The following TMEM201 variants were observed in gnomAD, a reference collection of about 807,000 sequenced individuals.
TMEM201 encodes transmembrane protein 201.
In TMEM201, 26 loss-of-function variants were observed where a neutral mutation model predicts 63.4. The observed-to-expected ratio is 0.41, with a 90% CI of 0.30 to 0.57. The LOEUF (loss-of-function observed/expected upper bound fraction) is 0.57, where lower values mean the gene tolerates loss of function less well. Ranked by LOEUF, TMEM201 falls within the 20% of genes least tolerant of loss-of-function variation. TMEM201 has a pLI of 0.29. For missense variants in TMEM201, 794 were observed against 917.7 expected, an observed-to-expected ratio of 0.87 and a Z score of 1.74; for synonymous variants, 417 against 421.6, an observed-to-expected ratio of 0.99 and a Z score of 0.14.
In TMEM201 at chr1:9,603,196, T is replaced by C; in HGVS notation, c.1160+924T>C. 1 of 985,482 alleles carries C rather than the reference T, an allele frequency of 1.0e-6. No homozygotes were observed. The highest frequency in any genetic ancestry group is 4.7e-5 in the South Asian group (1 of 21,292). The allele number at this position is 985,482 out of a possible 1,614,324, so 61.0% of individuals were successfully genotyped here. A position where few individuals can be genotyped will look rare whatever the true frequency, so the allele number is the denominator to read the frequency against. ...GCGCCACTCTGTCCTCCGACTCAGGTGAGGGGGCAGCCCACAGACCTGCTC... is the reference window on the plus strand; with the variant it reads ...GCGCCACTCTGTCCTCCGACTCAGGCGAGGGGGCAGCCCACAGACCTGCTC... On this transcript the variant is annotated intron_variant, in intron 6 of 10. Coordinates refer to ENST00000340381, the MANE Select transcript of TMEM201 (RefSeq NM_001130924.3). The surrounding 1 kb of genome is among the most constrained non-coding windows in gnomAD (Gnocchi z 4.5).
Position 9,604,140 on chromosome 1 carries a change from G to C in TMEM201, c.1160+1868G>C, listed in dbSNP as rs1042812181. 4.1e-6 allele frequency: 4 copies of C among 985,310 alleles called. No individual in the cohort carries two copies. Among genetic ancestry groups the C allele is most frequent in the Non-Finnish European group, 3.6e-6 (3 of 829,944 alleles). 61.0% of individuals were successfully genotyped at this position (985,310 alleles called of 1,614,324 possible). On this transcript the variant is annotated intron_variant, in intron 6 of 10. Transcript: ENST00000340381. The surrounding 1 kb of genome is among the most constrained non-coding windows in gnomAD (Gnocchi z 4.1). ...CTGGCCATGCTGTTGCTTGCGTCTCGAATCTTCGGTTCTCGAGGAAGTGTT... is the reference window on the plus strand; with the variant it reads ...CTGGCCATGCTGTTGCTTGCGTCTCCAATCTTCGGTTCTCGAGGAAGTGTT...
rs1024847005 is a variant in TMEM201, at chr1:9,607,935, C to T, written c.1393+146C>T. On this transcript the variant is annotated intron_variant, in intron 7 of 10. Transcript: ENST00000340381. The surrounding 1 kb of genome is among the most constrained non-coding windows in gnomAD (Gnocchi z 5.4). ...CAGCACAGAGCTTTGAGCCTCAGTTCCCCCCAAAGAAATGGGGCTAGCTAG... is the reference window on the plus strand; with the variant it reads ...CAGCACAGAGCTTTGAGCCTCAGTTTCCCCCAAAGAAATGGGGCTAGCTAG... 1.4e-5 allele frequency: 11 copies of T among 807,206 alleles called. No individual in the cohort carries two copies. The highest frequency in any genetic ancestry group is 2.1e-5 in the Non-Finnish European group (11 of 526,914). 50.0% of individuals were successfully genotyped at this position (807,206 alleles called of 1,614,324 possible).
chr1:9,598,330 T>G, intron 3 of TMEM201, 119 bp from the exon 4 acceptor site: 1 of 1,244,112 alleles, frequency 8.0e-7, no homozygotes, highest in Non-Finnish European at 1.1e-6. Flanking sequence ...TGGGGTTGAC[T>G]TGCCCCCGGT....
At position 9,608,540 on chromosome 1, in the gene TMEM201, C is replaced by T. The variant is rs181142405; in HGVS notation, c.1393+751C>T. On this transcript the variant is annotated intron_variant, in intron 7 of 10. Coordinates refer to ENST00000340381, the MANE Select transcript of TMEM201 (RefSeq NM_001130924.3). This position sits in a 1 kb window ranked among gnomAD's most constrained non-coding sequence, Gnocchi z 4.3. ...TTTGCTTTTCCCCTAAGCAGAGATA[C>T]CCCCCTATTTTCAGGGCACCCCAGC... Among the ~76,000 whole-genome samples the T allele has an allele frequency of 1.2e-4, 19 of 152,306 alleles. No homozygotes were observed. The East Asian group carries it at 3.5e-3, about 28-fold the overall frequency.
chr1:9,602,344 G>T (rs1457972631), intron 6 of TMEM201, 72 bp downstream of exon 6: 6 of 1,567,672 alleles, frequency 3.8e-6, no homozygotes, highest in East Asian at 4.7e-5. Flanking sequence ...CAGGTCCGAA[G>T]CGGGCCCCTC....
At chr1:9,609,801 C>T (rs1195326243) in intron 7 of TMEM201, 39 bp from the exon 8 acceptor site, 1 of 1,547,688 alleles carries the variant, frequency 6.5e-7, no homozygotes, top group South Asian at 1.2e-5. Flanking sequence ...GCACGTCATC[C>T]ACAGGCCTGA....
At chr1:9,599,325 GC>G (rs1449697454) in intron 4 of TMEM201, among the ~76,000 whole-genome samples, 9 of 151,378 alleles carry the variant, frequency 5.9e-5, no homozygotes, top group South Asian at 2.1e-4. Flanking sequence ...TCGGCTCACT[GC>G]AATCTCTTCC....
rs1203857915 is a variant in TMEM201, at chr1:9,613,622, A to T, written c.*539A>T. On this transcript the variant is annotated 3_prime_UTR_variant, in exon 11 of 11. Coordinates refer to ENST00000340381, the MANE Select transcript of TMEM201 (RefSeq NM_001130924.3). ...TTGCCCCTTCCTGTGGAGTGGGCAG[A>T]AGGGCTCCCGGGATCCTCAGAGCTC... 1 of 153,240 alleles carries T rather than the reference A, an allele frequency of 6.5e-6. No homozygotes were observed. Among genetic ancestry groups the T allele is most frequent in the Non-Finnish European group, 1.5e-5 (1 of 68,796 alleles). The allele number at this position is 153,240 out of a possible 1,614,324, so 9.5% of individuals were successfully genotyped here. A position where few individuals can be genotyped will look rare whatever the true frequency, so the allele number is the denominator to read the frequency against.
Position 9,610,962 on chromosome 1 carries a change from AACCCTCTGGGACATTG to A in TMEM201, c.1765+161_1765+176del, listed in dbSNP as rs748362534. The A allele has an allele frequency of 3.3e-6, 5 of 1,517,810 alleles. No homozygotes were observed. The highest frequency in any genetic ancestry group is 3.5e-6 in the Non-Finnish European group (4 of 1,135,586). The allele number at this position is 1,517,810 out of a possible 1,614,324, so 94.0% of individuals were successfully genotyped here. A position where few individuals can be genotyped will look rare whatever the true frequency, so the allele number is the denominator to read the frequency against. ...ACCCCATTCCGGCTCTGGTGACTTG[AACCCTCTGGGACATTG>A]ACCTCTAATGGCTGATTTCAGTTTC... is the stretch of plus-strand genomic sequence containing the variant. On this transcript the variant is annotated intron_variant, in intron 9 of 10. Transcript: ENST00000340381. The surrounding 1 kb of genome is among the most constrained non-coding windows in gnomAD (Gnocchi z 4.9).
At chr1:9,602,295 C>A in intron 6 of TMEM201, 23 bp downstream of exon 6, 2 of 1,608,762 alleles carry the variant, frequency 1.2e-6, no homozygotes, top group Non-Finnish European at 8.5e-7. Flanking sequence ...GCCATGACTG[C>A]GGGGGGAGGA....
chr1:9,606,026 C>T (rs549571656), intron 6 of TMEM201, among the ~76,000 whole-genome samples: 18 of 152,366 alleles, frequency 1.2e-4, no homozygotes, highest in African/African-American at 3.8e-4. Context: ...GCCCCACAAA[C>T]TCCCTCCCAT....
chr1:9,600,389 G>C lies in TMEM201; in HGVS notation c.607-716G>C, dbSNP rs138468065. ...AGTGTGGTTTCCACAGCTGTAAATGGGTCCAGGGCTTAGGAGTGCACCACC... is the reference window on the plus strand; with the variant it reads ...AGTGTGGTTTCCACAGCTGTAAATGCGTCCAGGGCTTAGGAGTGCACCACC... On this transcript the variant is annotated intron_variant, in intron 4 of 10. Transcript: ENST00000340381. 6.6e-5 allele frequency among the ~76,000 whole-genome samples: 10 copies of C among 152,238 alleles called. No homozygotes were observed. In the East Asian group the frequency reaches 1.9e-3, roughly 29 times the overall value.
At chr1:9,602,798 C>T (rs1644170507) in intron 6 of TMEM201, 1 of 989,638 alleles carries the variant, frequency 1.0e-6, no homozygotes, top group Admixed American at 5.7e-5. Context: ...CCAGCCTCAC[C>T]CCTGAGGAGC....
At chr1:9,599,011 G>A (rs1430703712) in intron 4 of TMEM201, among the ~76,000 whole-genome samples, 8 of 151,102 alleles carry the variant, frequency 5.3e-5, no homozygotes, top group African/African-American at 1.5e-4. Flanking sequence ...GCACGATCTC[G>A]GCTCACTATA....
rs1644102432 is a variant in TMEM201, at chr1:9,599,842, C to T, written c.606+1217C>T. ...CTCAATCTCCTGAGCTCGTGATCCG[C>T]CCGCCTCAGCCTCCCAAAGTGCTGA... On this transcript the variant is annotated intron_variant, in intron 4 of 10. Coordinates refer to ENST00000340381, the MANE Select transcript of TMEM201 (RefSeq NM_001130924.3). Among the ~76,000 whole-genome samples the T allele has an allele frequency of 2.6e-5, 4 of 152,198 alleles. No individual in the cohort carries two copies. In the South Asian group the frequency reaches 8.3e-4, roughly 31 times the overall value.
intron 1 of TMEM201, among the ~76,000 whole-genome samples, chr1:9,594,885 G>A (rs536822615): frequency 7.9e-5 from 12 of 152,358 alleles, no homozygotes; most frequent in African/African-American, 1.4e-4. Context: ...TCTGAGCAGC[G>A]CCTCAGGATG....
At chr1:9,591,735 G>A (rs1643922407) in intron 1 of TMEM201, among the ~76,000 whole-genome samples, 1 of 152,228 alleles carries the variant, frequency 6.6e-6, no homozygotes, top group African/African-American at 2.4e-5. Context: ...CTGGAAGTCA[G>A]AGTCCCCTGT....
Position 9,610,425 on chromosome 1 carries a change from T to A in TMEM201, c.1466-81T>A, listed in dbSNP as rs4244632. The A allele has an allele frequency of 0.81, 1,067,773 of 1,314,888 alleles. 434,977 individuals carry two copies. The highest frequency in any genetic ancestry group is 0.9 in the Admixed American group (32,933 of 36,692). The allele number at this position is 1,314,888 out of a possible 1,614,324, so 81.5% of individuals were successfully genotyped here. A position where few individuals can be genotyped will look rare whatever the true frequency, so the allele number is the denominator to read the frequency against. On this transcript the variant is annotated intron_variant, in intron 8 of 10. Coordinates refer to ENST00000340381, the MANE Select transcript of TMEM201 (RefSeq NM_001130924.3). This position sits in a 1 kb window ranked among gnomAD's most constrained non-coding sequence, Gnocchi z 4.9. ...CTGTCTTCCCGGGTTAATAGAAGAA[T>A]GCCCCCAGAAATGAAATAGCGCATT...
At chr1:9,600,737 GGTAAAACCCCAT>G (rs1644123166) in intron 4 of TMEM201, among the ~76,000 whole-genome samples, 1 of 152,110 alleles carries the variant, frequency 6.6e-6, no homozygotes, top group Non-Finnish European at 1.5e-5. Flanking sequence ...TGGCCAACAT[GGTAAAACCCCAT>G]CTCTACAAAA....
Sources: gnomAD v4.1 joint callset for allele counts (sites outside exome capture counted in the v4.1 genomes callset) on GRCh38, gnomAD v4.1.1 for gene constraint, Gnocchi (gnomAD v3.1) non-coding constraint, MANE v1.5 for transcripts, NCBI Gene and HGNC (gene_info 2026-07-23, HGNC 2026-07-21) for gene names.